Variants in MDFIC observed in about 807,000 individuals in gnomAD.
The protein encoded by MDFIC is MyoD family inhibitor domain containing, also known as myoD family inhibitor domain-containing protein.
Under a neutral mutation model 23.2 loss-of-function variants are expected in MDFIC, and 17 were observed. The ratio of observed to expected loss-of-function variants is 0.73; its 90% confidence interval spans 0.50 to 1.10. The LOEUF (loss-of-function observed/expected upper bound fraction) is 1.10, where lower values mean the gene tolerates loss of function less well. Ranked by LOEUF, MDFIC falls within the 50% of genes least tolerant of loss-of-function variation. The pLI is 0.00. For missense variants in MDFIC, 356 were observed against 316.6 expected (o/e 1.12, Z -0.95); for synonymous variants, 120 against 115.2 (o/e 1.04, Z -0.27).
intron 3 of MDFIC, among the ~76,000 whole-genome samples, chr7:114,961,166 G>T (rs1448557884): frequency 6.6e-6 from 1 of 152,122 alleles, no homozygotes; most frequent in Non-Finnish European, 1.5e-5. Flanking sequence ...CAGTGAAATT[G>T]ACTGCCTAAA....
intron 4 of MDFIC, among the ~76,000 whole-genome samples, chr7:114,992,639 G>A (rs1269867965): frequency 6.6e-6 from 1 of 152,104 alleles, no homozygotes; most frequent in Non-Finnish European, 1.5e-5. Flanking sequence ...CTGTTTATAT[G>A]CTGGATTATG....
rs189091911 is a variant in MDFIC, at chr7:114,936,059, C to T, written c.95-6216C>T. ...TTCATTTATTTCCACATCCACCTTA[C>T]GAGGTAGAGACTGTTGTTATTCCCA... On this transcript the variant is annotated intron_variant, in intron 2 of 4. Coordinates refer to ENST00000393486, the MANE Select transcript of MDFIC (RefSeq NM_001166345.3). 9.7e-4 allele frequency among the ~76,000 whole-genome samples: 148 copies of T among 152,240 alleles called. 1 individual carries two copies. The highest frequency in any genetic ancestry group is 3.4e-3 in the Middle Eastern group (1 of 294).
At chr7:114,972,745 TAGCCTCCCGTGTACA>T (rs1480604995) in intron 3 of MDFIC, among the ~76,000 whole-genome samples, 1 of 152,010 alleles carries the variant, frequency 6.6e-6, no homozygotes, top group Non-Finnish European at 1.5e-5. Flanking sequence ...CCTCCCACTG[TAGCCTCCCGTGTACA>T]GGCATGTGCC....
At chr7:115,013,438 T>A (rs956512653) in intron 4 of MDFIC, among the ~76,000 whole-genome samples, 1 of 152,220 alleles carries the variant, frequency 6.6e-6, no homozygotes, top group Non-Finnish European at 1.5e-5. Context: ...ATAATTTACA[T>A]AATCAATAAC....
rs1479857211 is a variant in MDFIC, at chr7:115,015,965, GA to G, written c.*31del. The G allele has an allele frequency of 6.3e-7, 1 of 1,589,320 alleles. No individual in the cohort carries two copies. Among genetic ancestry groups the G allele is most frequent in the South Asian group, 1.1e-5 (1 of 87,832 alleles). On this transcript the variant is annotated 3_prime_UTR_variant, in exon 5 of 5. Transcript: ENST00000393486. ...TTATCTTTTGTTTGTGTTAAAACTG[GA>G]GAGTGTTTAAAAATTTCCTTTTGGG...
At chr7:114,964,647 T>G (rs553336301) in intron 3 of MDFIC, among the ~76,000 whole-genome samples, 22 of 151,942 alleles carry the variant, frequency 1.4e-4, no homozygotes, top group Non-Finnish European at 3.1e-4. Flanking sequence ...GCCTCCTGAG[T>G]TCAAGCGATT....
intron 4 of MDFIC, among the ~76,000 whole-genome samples, chr7:115,000,182 A>G (rs1791433312): frequency 6.6e-6 from 1 of 152,218 alleles, no homozygotes; most frequent in African/African-American, 2.4e-5. Context: ...TTCTATGTTT[A>G]CATATACAAA....
chr7:114,981,505 TC>T (rs1793416855), intron 4 of MDFIC, among the ~76,000 whole-genome samples: 1 of 152,214 alleles, frequency 6.6e-6, no homozygotes, highest in African/African-American at 2.4e-5. Flanking sequence ...TTTTACTTTT[TC>T]TTTCTCTTCT....
intron 2 of MDFIC, among the ~76,000 whole-genome samples, chr7:114,939,961 G>A (rs1235150784): frequency 2.0e-5 from 3 of 152,164 alleles, no homozygotes; most frequent in Non-Finnish European, 4.4e-5. Flanking sequence ...GCTAGTTCTT[G>A]CCTACTAGTG....
intron 2 of MDFIC, among the ~76,000 whole-genome samples, chr7:114,933,328 G>A (rs1025010157): frequency 4.0e-5 from 6 of 148,586 alleles, no homozygotes; most frequent in African/African-American, 7.4e-5. Context: ...GCGTGATCTC[G>A]GCTCACTGCA....
chr7:115,008,533 T>C (rs757584475), intron 4 of MDFIC, among the ~76,000 whole-genome samples: 3 of 152,216 alleles, frequency 2.0e-5, no homozygotes, highest in Non-Finnish European at 2.9e-5. Flanking sequence ...CAGAGCGTTC[T>C]GTGTAGGAGG....
chr7:115,018,355 CAT>C lies in MDFIC; in HGVS notation c.*2421_*2422del, dbSNP rs923270804. The stretch of plus-strand genomic sequence containing the variant: ...CCAAGTGGTTTGTCTAATATTTAAA[CAT>C]GTACTGGCACAATTTGTGATGAAAA... On this transcript the variant is annotated 3_prime_UTR_variant, in exon 5 of 5. Transcript: ENST00000393486. The C allele has an allele frequency of 3.0e-4, 46 of 152,072 alleles. No individual in the cohort carries two copies. The highest frequency in any genetic ancestry group is 1.0e-3 in the African/African-American group (42 of 41,550). 9.4% of individuals were successfully genotyped at this position (152,072 alleles called of 1,614,324 possible).
Position 114,923,078 on chromosome 7 carries a change from G to T in MDFIC, c.45G>T (p.Pro15=). 7.1e-7 allele frequency: 1 copy of T among 1,416,888 alleles called. No individual in the cohort carries two copies. The allele number at this position is 1,416,888 out of a possible 1,614,324, so 87.8% of individuals were successfully genotyped here. The change falls in exon 2 of 5, where the codon CCG becomes CCT. Residue 15 remains proline (P), a synonymous_variant. Coordinates refer to ENST00000393486, the MANE Select transcript of MDFIC (RefSeq NM_001166345.3). ...CCCTCGCTCCCGGGCCCGTGGGGCC[G>T]CAGCGCGTGGCCGAGGCGGGCGGCG... ...GEALAPGPVG[P]QRVAEAGGGQ...
chr7:115,001,975 A>G (rs1791474337), intron 4 of MDFIC, among the ~76,000 whole-genome samples: 3 of 152,050 alleles, frequency 2.0e-5, no homozygotes, highest in African/African-American at 4.8e-5. Context: ...TGTCTGTACT[A>G]AAAATACAAA....
chr7:114,993,005 A>C (rs28838685), intron 4 of MDFIC, among the ~76,000 whole-genome samples: 1 of 152,232 alleles, frequency 6.6e-6, no homozygotes, highest in Admixed American at 6.5e-5. Flanking sequence ...CTGGTAGGCT[A>C]TTAATTATTG....
chr7:114,938,340 T>C (rs1273549338), intron 2 of MDFIC, among the ~76,000 whole-genome samples: 2 of 152,228 alleles, frequency 1.3e-5, no homozygotes, highest in East Asian at 3.8e-4. Flanking sequence ...TACAAATCTA[T>C]TTTCTAGTAC....
At position 114,948,335 on chromosome 7, in the gene MDFIC, G is replaced by A. The variant is rs533090979; in HGVS notation, c.217+5938G>A. On this transcript the variant is annotated intron_variant, in intron 3 of 4. Coordinates refer to ENST00000393486, the MANE Select transcript of MDFIC (RefSeq NM_001166345.3). ...CAATCAAGTTCTAAATTTGACTATC[G>A]TTTACTGATAAGGCTACTTTGAAGA... 1.6e-4 allele frequency among the ~76,000 whole-genome samples: 24 copies of A among 152,232 alleles called. No individual in the cohort carries two copies. In the South Asian group the frequency reaches 2.5e-3, roughly 16 times the overall value.
intron 3 of MDFIC, among the ~76,000 whole-genome samples, chr7:114,971,884 T>G (rs1793212436): frequency 6.6e-6 from 1 of 152,188 alleles, no homozygotes; most frequent in Admixed American, 6.6e-5. Flanking sequence ...AAGAAAATGT[T>G]TGTATATTAA....
intron 2 of MDFIC, among the ~76,000 whole-genome samples, chr7:114,929,524 G>A (rs1220742258): frequency 6.6e-6 from 1 of 152,168 alleles, no homozygotes; most frequent in African/African-American, 2.4e-5. Flanking sequence ...CGCCTAGCCG[G>A]TGGTTGGGTA....
Sources: allele counts gnomAD v4.1 joint callset (sites outside exome capture counted in the v4.1 genomes callset), GRCh38; gene constraint gnomAD v4.1.1; transcripts MANE v1.5; gene names NCBI Gene and HGNC (gene_info 2026-07-23, HGNC 2026-07-21).